CDH23: variants seen among roughly 807,000 people sequenced by gnomAD.
CDH23 encodes the protein cadherin related 23, also known as cadherin-23.
Under a neutral mutation model 317.1 loss-of-function variants are expected in CDH23, and 189 were observed. The ratio of observed to expected loss-of-function variants is 0.60; its 90% CI spans 0.53 to 0.67. The LOEUF (loss-of-function observed/expected upper bound fraction) is 0.67, where lower values mean the gene tolerates loss of function less well. Among genes scored for constraint, CDH23 ranks in the 30% least tolerant of loss-of-function variants. CDH23 has a pLI of 0.00. For missense variants in CDH23, 4,401 were observed against 4,592.4 expected (o/e 0.96, Z 1.20); for synonymous variants, 1,839 against 1,876.8 (o/e 0.98, Z 0.52).
intron 6 of CDH23, among the ~76,000 whole-genome samples, chr10:71,548,528 C>T (rs1464047307): frequency 1.3e-5 from 2 of 152,086 alleles, no homozygotes; most frequent in African/African-American, 2.4e-5. Context: ...AATGTAGAGC[C>T]CCAACTTGGG....
chr10:71,717,639 C>G (rs1203444123), intron 28 of CDH23: 1 of 152,270 alleles, frequency 6.6e-6, no homozygotes. Flanking sequence ...TACAGATGAG[C>G]AGGGCCACCT....
chr10:71,637,166 G>C (rs987407343), intron 11 of CDH23, among the ~76,000 whole-genome samples: 1 of 152,168 alleles, frequency 6.6e-6, no homozygotes, highest in African/African-American at 2.4e-5. Context: ...ATATGTATTC[G>C]ATGGGCTTTT....
intron 64 of CDH23, 41 bp from the exon 65 acceptor site, chr10:71,811,672 A>C (rs1225367709): frequency 6.2e-6 from 10 of 1,613,618 alleles, no homozygotes; most frequent in Non-Finnish European, 8.5e-6. Flanking sequence ...CTGAGACGTC[A>C]GCTTGGCCCC....
chr10:71,672,594 G>A (rs74590868), intron 14 of CDH23, among the ~76,000 whole-genome samples: 4,285 of 152,238 alleles, frequency 0.028, 202 homozygotes, highest in African/African-American at 0.097. Flanking sequence ...GCCTGGGCAG[G>A]CAGTGAGAGG....
At chr10:71,585,285 C>A (rs1858973932) in intron 9 of CDH23, among the ~76,000 whole-genome samples, 1 of 152,202 alleles carries the variant, frequency 6.6e-6, no homozygotes, top group Non-Finnish European at 1.5e-5. Context: ...GGGGCATATT[C>A]ATAGGAAAAG....
chr10:71,785,818 C>A, intron 44 of CDH23, 80 bp downstream of exon 44: 1 of 869,466 alleles, frequency 1.2e-6, no homozygotes, highest in Non-Finnish European at 1.9e-6. Context: ...CTCCTGCAGG[C>A]AGCATAGCCA....
chr10:71,638,965 G>A (rs61650587), intron 11 of CDH23, among the ~76,000 whole-genome samples: 28,584 of 152,134 alleles, frequency 0.19, 2,968 homozygotes, highest in East Asian at 0.35. Context: ...CGTGGGGGTG[G>A]GAAAGCTGCA....
chr10:71,636,248 G>A (rs1486379322), intron 11 of CDH23, among the ~76,000 whole-genome samples: 1 of 152,102 alleles, frequency 6.6e-6, no homozygotes, highest in African/African-American at 2.4e-5. Flanking sequence ...GGCCGGGTGC[G>A]GTAGCTCACA....
intron 9 of CDH23, among the ~76,000 whole-genome samples, chr10:71,594,703 C>T (rs1859725026): frequency 6.6e-6 from 1 of 152,120 alleles, no homozygotes; most frequent in Non-Finnish European, 1.5e-5. Context: ...AACATAATGT[C>T]CTTGATTTGG....
In CDH23 at chr10:71,503,324, A is replaced by G. The variant is rs139813802; in HGVS notation, c.146-6758A>G. ...CTGTGATTCCTGCCTGGGCCCAAAGACAAGTGCTACTGATTTGGGTGTTAT... is the reference window on the plus strand; with the variant it reads ...CTGTGATTCCTGCCTGGGCCCAAAGGCAAGTGCTACTGATTTGGGTGTTAT... On this transcript the variant is annotated intron_variant, in intron 3 of 69. Coordinates refer to ENST00000224721, the MANE Select transcript of CDH23 (RefSeq NM_022124.6). Among the ~76,000 whole-genome samples, 359 of 152,328 alleles carry G rather than the reference A, an allele frequency of 2.4e-3. 2 individuals carry two copies. The highest frequency in any genetic ancestry group is 4.0e-3 in the African/African-American group (165 of 41,564).
chr10:71,602,678 C>T (rs1249174319), intron 9 of CDH23, among the ~76,000 whole-genome samples: 1 of 152,164 alleles, frequency 6.6e-6, no homozygotes, highest in African/African-American at 2.4e-5. Flanking sequence ...GCCCATCTTT[C>T]CTGCTTAACG....
In CDH23 at chr10:71,789,006, A is replaced by G; in HGVS notation, c.5887A>G (p.Thr1963Ala). The part of the protein sequence containing the change: ...NDNHPLFTKS[T>A]YQAEVMENSP... ...CAACCACCCCCTCTTCACTAAAAGC[A>G]CCTACCAGGCAGAGGTGATGGAAAA... Residue 1963 changes from threonine (T) to alanine (A), a missense_variant, in exon 45 of 70, where the codon ACC becomes GCC. This residue lies in a region of CDH23 where 3,068 missense variants were observed against 3,203.3 expected (regional missense o/e 0.96). Coordinates refer to ENST00000224721, the MANE Select transcript of CDH23 (RefSeq NM_022124.6). 1 of 1,600,560 alleles carries G rather than the reference A, an allele frequency of 6.2e-7. No individual in the cohort carries two copies. Among genetic ancestry groups the G allele is most frequent in the South Asian group, 1.1e-5 (1 of 90,776 alleles).
chr10:71,465,652 G>A (rs1851214925), intron 3 of CDH23, among the ~76,000 whole-genome samples: 1 of 152,232 alleles, frequency 6.6e-6, no homozygotes, highest in Non-Finnish European at 1.5e-5. Context: ...ACCTGACGCT[G>A]TTCAGTCCAG....
intron 14 of CDH23, among the ~76,000 whole-genome samples, chr10:71,648,833 A>C (rs1863027247): frequency 6.6e-6 from 1 of 151,652 alleles, no homozygotes; most frequent in Non-Finnish European, 1.5e-5. Flanking sequence ...AGCCTCACCC[A>C]CCCCCTTCTC....
intron 14 of CDH23, among the ~76,000 whole-genome samples, chr10:71,662,760 C>G (rs1589308617): frequency 6.6e-6 from 1 of 152,222 alleles, no homozygotes; most frequent in Non-Finnish European, 1.5e-5. Context: ...GCTCCCTTGC[C>G]CCTTCCCTGG....
chr10:71,650,694 G>T (rs918446077), intron 14 of CDH23, among the ~76,000 whole-genome samples: 1 of 152,196 alleles, frequency 6.6e-6, no homozygotes, highest in African/African-American at 2.4e-5. Context: ...GATGCTGGTG[G>T]CTCCCCATCC....
At chr10:71,729,139 T>A (rs934090749) in intron 30 of CDH23, among the ~76,000 whole-genome samples, 2 of 152,166 alleles carry the variant, frequency 1.3e-5, no homozygotes, top group African/African-American at 4.8e-5. Flanking sequence ...CTGGCCTCCA[T>A]AAACACCTTT....
chr10:71,462,775 G>A (rs549420003), intron 3 of CDH23, among the ~76,000 whole-genome samples: 6 of 152,004 alleles, frequency 3.9e-5, no homozygotes, highest in African/African-American at 1.2e-4. Context: ...CTGGGAAGCC[G>A]CACCTGCCCC....
intron 41 of CDH23, among the ~76,000 whole-genome samples, chr10:71,783,786 C>T (rs1009809593): frequency 1.3e-5 from 2 of 152,236 alleles, no homozygotes; most frequent in Non-Finnish European, 2.9e-5. Context: ...CTTCTGCCTG[C>T]CCGGTGCCTG....
Sources: allele counts gnomAD v4.1 joint callset (sites outside exome capture counted in the v4.1 genomes callset), GRCh38; gene constraint gnomAD v4.1.1; regional missense constraint gnomAD v4.1.1; transcripts MANE v1.5; gene names NCBI Gene and HGNC (gene_info 2026-07-23, HGNC 2026-07-21).